BMPR1A: variants seen among roughly 807,000 people sequenced by gnomAD.
BMPR1A encodes the protein bone morphogenetic protein receptor type-1A.
Under a neutral mutation model 66.0 loss-of-function variants are expected in BMPR1A, and 7 were observed. The ratio of observed to expected loss-of-function variants is 0.11; its 90% CI spans 0.06 to 0.20. The LOEUF is 0.20. BMPR1A is among the 10% of genes least tolerant of loss of function. The probability of loss-of-function intolerance (pLI) is 1.00; values close to 1 mark genes in which losing one functional copy is unlikely to be tolerated. For missense variants in BMPR1A, 408 were observed against 669.1 expected (o/e 0.61, Z 4.31); for synonymous variants, 200 against 229.7 (o/e 0.87, Z 1.17).
At chr10:86,877,956 A>G (rs1323031576) in intron 3 of BMPR1A, among the ~76,000 whole-genome samples, 1 of 152,226 alleles carries the variant, frequency 6.6e-6, no homozygotes, top group East Asian at 1.9e-4. Flanking sequence ...ACGTAAAAGC[A>G]AAAGATCTTA....
chr10:86,786,106 T>G (rs768022175), intron 1 of BMPR1A, among the ~76,000 whole-genome samples: 50 of 152,128 alleles, frequency 3.3e-4, no homozygotes, highest in Admixed American at 7.9e-4. Context: ...CTTCATGTAT[T>G]CTCACATCCC....
intron 2 of BMPR1A, among the ~76,000 whole-genome samples, chr10:86,843,231 C>A (rs1011137364): frequency 2.0e-5 from 3 of 152,152 alleles, no homozygotes; most frequent in African/African-American, 4.8e-5. Flanking sequence ...TCTCTACTCT[C>A]TTCTCTTGGC....
At chr10:86,823,084 T>C (rs892941011) in intron 1 of BMPR1A, among the ~76,000 whole-genome samples, 1 of 152,230 alleles carries the variant, frequency 6.6e-6, no homozygotes, top group African/African-American at 2.4e-5. Flanking sequence ...TAAATATTAT[T>C]GCCATAATTT....
rs863224721 is a variant in BMPR1A, at chr10:86,900,115, C to G, written c.519C>G (p.Cys173Trp). The stretch of plus-strand genomic sequence containing the variant: ...TTGCTATGATCATCTTCTCCAGCTG[C>G]TTTTGTTACAAGTAAGAAGATATTT... ...CIIAMIIFSS[C>W]FCYKHYCKSI... Residue 173 changes from cysteine to tryptophan, a missense_variant, in exon 7 of 13, where the codon TGC (cysteine) becomes TGG (tryptophan). Physicochemically the swap from Cys to Trp is radical, Grantham distance 215. Transcript: ENST00000372037. 9.9e-6 allele frequency: 16 copies of G among 1,613,560 alleles called. No homozygotes were observed. The highest frequency in any genetic ancestry group is 1.4e-5 in the Non-Finnish European group (16 of 1,179,918).
chr10:86,802,255 G>C (rs940283708), intron 1 of BMPR1A, among the ~76,000 whole-genome samples: 8 of 152,156 alleles, frequency 5.3e-5, no homozygotes, highest in African/African-American at 1.9e-4. Context: ...GGCTGAGGAT[G>C]GTGTCTTGTT....
intron 1 of BMPR1A, among the ~76,000 whole-genome samples, chr10:86,830,858 T>G (rs1842258659): frequency 6.6e-6 from 1 of 152,170 alleles, no homozygotes; most frequent in Non-Finnish European, 1.5e-5. Flanking sequence ...TTTTTTTCTT[T>G]CATGGATTGT....
chr10:86,894,378 C>T (rs906967301), intron 5 of BMPR1A, among the ~76,000 whole-genome samples: 1 of 152,166 alleles, frequency 6.6e-6, no homozygotes, highest in Non-Finnish European at 1.5e-5. Flanking sequence ...TGAATTTTAT[C>T]GTATAAGCAT....
intron 1 of BMPR1A, among the ~76,000 whole-genome samples, chr10:86,787,889 C>A (rs868765254): frequency 1.9e-4 from 29 of 151,842 alleles, no homozygotes; most frequent in African/African-American, 5.1e-4. Context: ...TCTGCCCCCC[C>A]CCATAATCCA....
chr10:86,767,542 G>A (rs985273788), intron 1 of BMPR1A, among the ~76,000 whole-genome samples: 5 of 152,126 alleles, frequency 3.3e-5, no homozygotes, highest in African/African-American at 9.7e-5. Context: ...ATGAGATGTG[G>A]TGGTATGCAC....
intron 3 of BMPR1A, among the ~76,000 whole-genome samples, chr10:86,883,899 G>A (rs1412691265): frequency 2.1e-5 from 3 of 145,830 alleles, no homozygotes; most frequent in East Asian, 2.0e-4. Context: ...TATTTGAGAC[G>A]AGTCTTGCTC....
At chr10:86,878,728 C>A (rs1465418728) in intron 3 of BMPR1A, among the ~76,000 whole-genome samples, 1 of 152,198 alleles carries the variant, frequency 6.6e-6, no homozygotes, top group Admixed American at 6.5e-5. Flanking sequence ...AAAAGTGTCA[C>A]AGATTTTGTC....
intron 7 of BMPR1A, among the ~76,000 whole-genome samples, chr10:86,906,026 C>A (rs573582712): frequency 6.6e-6 from 1 of 152,118 alleles, no homozygotes; most frequent in Admixed American, 6.5e-5. Flanking sequence ...TTCCTTCTGC[C>A]TGAAGAATTT....
intron 2 of BMPR1A, among the ~76,000 whole-genome samples, chr10:86,846,486 G>A (rs909736629): frequency 6.6e-5 from 10 of 152,160 alleles, no homozygotes; most frequent in African/African-American, 2.2e-4. Flanking sequence ...CCTTAGGGCC[G>A]TCAGCGTGCC....
intron 1 of BMPR1A, among the ~76,000 whole-genome samples, chr10:86,835,542 T>A (rs1352777579): frequency 1.8e-5 from 1 of 55,806 alleles, no homozygotes; most frequent in East Asian, 3.4e-4. Flanking sequence ...CAAGCAAGAC[T>A]CTGTATCAAA....
intron 1 of BMPR1A, among the ~76,000 whole-genome samples, chr10:86,781,838 G>C (rs1303860005): frequency 7.2e-6 from 1 of 138,942 alleles, no homozygotes; most frequent in Non-Finnish European, 1.6e-5. Flanking sequence ...CATCCATTTT[G>C]TAGCATATGA....
chr10:86,931,280 TACACACAC>T (rs1271685565), downstream of BMPR1A: 1 of 96,840 alleles, frequency 1.0e-5, no homozygotes, highest in Non-Finnish European at 1.8e-5. Context: ...TATATATATA[TACACACAC>T]ACACACACAC....
At chr10:86,858,330 A>G (rs1262629832) in intron 2 of BMPR1A, among the ~76,000 whole-genome samples, 2 of 152,196 alleles carry the variant, frequency 1.3e-5, no homozygotes, top group Non-Finnish European at 2.9e-5. Flanking sequence ...ACGTAATATG[A>G]TTCATCTATT....
intron 1 of BMPR1A, among the ~76,000 whole-genome samples, chr10:86,778,970 G>A (rs1841396867): frequency 7.4e-6 from 1 of 135,562 alleles, no homozygotes; most frequent in Non-Finnish European, 1.5e-5. Flanking sequence ...GTTTCACCAT[G>A]TTGGCCAGTC....
At chr10:86,793,306 T>C (rs754845963) in intron 1 of BMPR1A, among the ~76,000 whole-genome samples, 2 of 151,948 alleles carry the variant, frequency 1.3e-5, no homozygotes, top group African/African-American at 4.8e-5. Context: ...AGGGTACCTG[T>C]ATTTTTATTT....
Sources: gnomAD v4.1 joint callset for allele counts (sites outside exome capture counted in the v4.1 genomes callset) on GRCh38, gnomAD v4.1.1 for gene constraint, MANE v1.5 for transcripts, NCBI Gene and HGNC (gene_info 2026-07-23, HGNC 2026-07-21) for gene names.